SEMA5A: variants seen among roughly 807,000 people sequenced by gnomAD.
SEMA5A encodes the protein semaphorin 5A.
SEMA5A carries 55 observed loss-of-function variants against 135.5 expected under a neutral mutation model. The observed-to-expected ratio is 0.41, with a 90% confidence interval of 0.33 to 0.51. The LOEUF (loss-of-function observed/expected upper bound fraction) is 0.51, where lower values mean the gene tolerates loss of function less well. SEMA5A is among the 20% of genes least tolerant of loss of function. SEMA5A has a pLI of 0.37. For synonymous variants in SEMA5A, 580 were observed against 546.5 expected (o/e 1.06, Z -0.85); for missense variants, 1,290 against 1,419.9 (o/e 0.91, Z 1.47).
rs561945848 is a variant in SEMA5A at position 9,035,957 on chromosome 5, C to CAT, written c.*6939_*6940insAT. ...GCTGAAATTGGCTTTGGAGGAGTTTCACAAAAAAAAAAAAAAAAAAAAATC... is the reference window on the plus strand; with the variant it reads ...GCTGAAATTGGCTTTGGAGGAGTTTCATACAAAAAAAAAAAAAAAAAAAAATC... On this transcript the variant is annotated 3_prime_UTR_variant, in exon 23 of 23. Transcript: ENST00000382496. The CAT allele has an allele frequency of 4.8e-5, 1 of 20,924 alleles. No homozygotes were observed. Among genetic ancestry groups the CAT allele is most frequent in the Non-Finnish European group, 1.0e-4 (1 of 9,998 alleles). 1.3% of individuals were successfully genotyped at this position (20,924 alleles called of 1,614,324 possible).
At chr5:9,056,061 G>T (rs375274128) in intron 18 of SEMA5A, among the ~76,000 whole-genome samples, 11 of 152,186 alleles carry the variant, frequency 7.2e-5, no homozygotes, top group African/African-American at 2.2e-4. Context: ...TTAGATCTTG[G>T]CTTTCTAAAT....
intron 3 of SEMA5A, among the ~76,000 whole-genome samples, chr5:9,352,378 C>T (rs996531799): frequency 2.6e-5 from 4 of 151,926 alleles, no homozygotes; most frequent in East Asian, 1.9e-4. Context: ...AGCTAGCTAT[C>T]GTCTATCTAT....
chr5:9,244,138 G>C (rs897315619), intron 5 of SEMA5A, among the ~76,000 whole-genome samples: 1 of 152,152 alleles, frequency 6.6e-6, no homozygotes, highest in Non-Finnish European at 1.5e-5. Context: ...AGAATCTTGG[G>C]TTGGTTTTGT....
chr5:9,485,207 G>A (rs899237903), intron 1 of SEMA5A, among the ~76,000 whole-genome samples: 8 of 151,644 alleles, frequency 5.3e-5, no homozygotes, highest in Non-Finnish European at 1.2e-4. Context: ...GACCATGATG[G>A]CCATCTGAGC....
At chr5:9,121,753 G>A (rs1356048816) in intron 14 of SEMA5A, among the ~76,000 whole-genome samples, 1 of 152,122 alleles carries the variant, frequency 6.6e-6, no homozygotes. Flanking sequence ...TCACCTTGGT[G>A]GTGAGAAAAA....
chr5:9,391,070 G>C (rs901176051), intron 2 of SEMA5A: 7 of 152,194 alleles, frequency 4.6e-5, no homozygotes, highest in Non-Finnish European at 8.8e-5. Context: ...TATTGACTAA[G>C]GATTAGGAGT....
intron 1 of SEMA5A, among the ~76,000 whole-genome samples, chr5:9,455,056 T>C (rs1355254121): frequency 6.6e-6 from 1 of 152,232 alleles, no homozygotes; most frequent in East Asian, 1.9e-4. Context: ...GAATAATTTA[T>C]GAGTGACAAA....
At chr5:9,320,775 A>G (rs1203326880) in intron 4 of SEMA5A, among the ~76,000 whole-genome samples, 1 of 152,150 alleles carries the variant, frequency 6.6e-6, no homozygotes, top group African/African-American at 2.4e-5. Context: ...CACATACAGA[A>G]GAGTATGTTG....
rs1251851481 is a variant in SEMA5A at position 9,367,182 on chromosome 5, C to T, written c.124+12641G>A. ...TAATTAAAATTAAATACAATTAAAA[C>T]GTATTACTTTAGAAGTAACATTTCA... On this transcript the variant is annotated intron_variant, in intron 3 of 22. Coordinates refer to ENST00000382496, the MANE Select transcript of SEMA5A (RefSeq NM_003966.3). Among the ~76,000 whole-genome samples, 6 of 152,192 alleles carry T rather than the reference C, an allele frequency of 3.9e-5. No homozygotes were observed. The South Asian group carries it at 6.2e-4, about 16-fold the overall frequency.
intron 5 of SEMA5A, among the ~76,000 whole-genome samples, chr5:9,269,380 A>G (rs1749852238): frequency 6.6e-6 from 1 of 152,180 alleles, no homozygotes; most frequent in Non-Finnish European, 1.5e-5. Flanking sequence ...CTGACTCAGT[A>G]GAAAGACAAT....
intron 8 of SEMA5A, among the ~76,000 whole-genome samples, chr5:9,207,704 A>G (rs1445078973): frequency 6.6e-6 from 1 of 152,196 alleles, no homozygotes; most frequent in Non-Finnish European, 1.5e-5. Flanking sequence ...AAACTGCTGT[A>G]GAAGCTTCCA....
chr5:9,419,236 TG>T (rs1046330323), intron 2 of SEMA5A, among the ~76,000 whole-genome samples: 1 of 152,194 alleles, frequency 6.6e-6, no homozygotes, highest in African/African-American at 2.4e-5. Flanking sequence ...AGAGTGTCCT[TG>T]GTATGATTTC....
chr5:9,317,616 A>C (rs1752447808), intron 5 of SEMA5A, among the ~76,000 whole-genome samples: 1 of 152,188 alleles, frequency 6.6e-6, no homozygotes. Flanking sequence ...CTCTCCAATC[A>C]CCTCTTAGAG....
At chr5:9,533,348 G>A (rs1431455465) in intron 1 of SEMA5A, among the ~76,000 whole-genome samples, 1 of 152,122 alleles carries the variant, frequency 6.6e-6, no homozygotes, top group Non-Finnish European at 1.5e-5. Context: ...TTCATGATAC[G>A]GAATTTTCGA....
intron 2 of SEMA5A, among the ~76,000 whole-genome samples, chr5:9,413,348 C>A (rs757225993): frequency 6.6e-6 from 1 of 152,060 alleles, no homozygotes; most frequent in Non-Finnish European, 1.5e-5. Flanking sequence ...GGAGAAGAAT[C>A]AGAAATAACA....
intron 4 of SEMA5A, among the ~76,000 whole-genome samples, chr5:9,324,801 A>G (rs909817662): frequency 3.3e-5 from 5 of 152,220 alleles, no homozygotes; most frequent in African/African-American, 1.2e-4. Context: ...AGCACAGAGG[A>G]GGGAAAACAA....
chr5:9,380,077 G>T, intron 2 of SEMA5A, 54 bp from the exon 3 acceptor site: 3 of 1,221,282 alleles, frequency 2.5e-6, no homozygotes, highest in Non-Finnish European at 3.4e-6. Context: ...TTTCTGGTGG[G>T]TGGTCTTCTG....
intron 1 of SEMA5A, among the ~76,000 whole-genome samples, chr5:9,493,127 G>A (rs1206629500): frequency 1.3e-5 from 2 of 151,924 alleles, no homozygotes; most frequent in African/African-American, 4.8e-5. Flanking sequence ...GGTGGGATAG[G>A]AGAACACTCT....
intron 1 of SEMA5A, among the ~76,000 whole-genome samples, chr5:9,491,822 T>C (rs957837611): frequency 3.9e-5 from 6 of 152,226 alleles, no homozygotes; most frequent in African/African-American, 1.2e-4. Context: ...CTGGTAGTCC[T>C]ACAATCATGA....
Sources: allele counts gnomAD v4.1 joint callset (sites outside exome capture counted in the v4.1 genomes callset), GRCh38; gene constraint gnomAD v4.1.1; transcripts MANE v1.5; gene names NCBI Gene and HGNC (gene_info 2026-07-23, HGNC 2026-07-21).